Variants in DAB1 observed in about 807,000 individuals in gnomAD.
DAB1 encodes DAB adaptor protein 1.
Under a neutral mutation model 64.6 loss-of-function variants are expected in DAB1, and 15 were observed. The observed-to-expected ratio is 0.23, with a 90% confidence interval of 0.16 to 0.36. The LOEUF (loss-of-function observed/expected upper bound fraction) is 0.36. Among genes scored for constraint, DAB1 ranks in the 10% least tolerant of loss-of-function variants. DAB1 has a pLI of 1.00. For missense variants in DAB1, 596 were observed against 706.7 expected (o/e 0.84, Z 1.78); for synonymous variants, 235 against 251.9 (o/e 0.93, Z 0.64).
At chr1:57,942,842 T>C (rs1645124686) in intron 5 of DAB1, among the ~76,000 whole-genome samples, 1 of 152,212 alleles carries the variant, frequency 6.6e-6, no homozygotes, top group Non-Finnish European at 1.5e-5. Flanking sequence ...TGCTGAGTCA[T>C]TGTGTTTTGG....
intron 1 of DAB1, chr1:58,539,066 T>G (rs759534014): frequency 1.1e-6 from 1 of 872,848 alleles, no homozygotes; most frequent in Admixed American, 1.7e-5. Flanking sequence ...CCTGTTCTTT[T>G]GTTGTTAAAA....
At chr1:58,529,413 A>G (rs1646399109) in intron 1 of DAB1, among the ~76,000 whole-genome samples, 1 of 152,390 alleles carries the variant, frequency 6.6e-6, no homozygotes, top group African/African-American at 2.4e-5. Flanking sequence ...AAAGATTGCA[A>G]GACCTACTTT....
chr1:57,588,559 T>A (rs1645406781), intron 7 of DAB1, among the ~76,000 whole-genome samples: 1 of 152,202 alleles, frequency 6.6e-6, no homozygotes, highest in Admixed American at 6.5e-5. Context: ...GTGAGTCCTC[T>A]CCTTATCTGC....
chr1:58,283,478 G>C (rs921429527), intron 4 of DAB1, among the ~76,000 whole-genome samples: 1 of 151,978 alleles, frequency 6.6e-6, no homozygotes, highest in East Asian at 1.9e-4. Flanking sequence ...TTCCCACCCA[G>C]AGACAAGACT....
At position 57,517,141 on chromosome 1, in the gene DAB1, C is replaced by T. The variant is rs141180516; in HGVS notation, n.625+132451G>A. Reference sequence around the variant, plus strand: ...TGCCATTTACTTATTTGCTTGTTTCCTTCTTTCCTTTCTTTTTATTTATTT... The same window carrying T: ...TGCCATTTACTTATTTGCTTGTTTCTTTCTTTCCTTTCTTTTTATTTATTT... On this transcript the variant is annotated intron_variant and non_coding_transcript_variant, in intron 7 of 20. Transcript: ENST00000485760. Among the ~76,000 whole-genome samples the T allele has an allele frequency of 1.8e-3, 269 of 152,006 alleles. 1 individual carries two copies. Among genetic ancestry groups the T allele is most frequent in the African/African-American group, 5.8e-3 (242 of 41,448 alleles).
chr1:57,364,608 C>T (rs1460457431), intron 1 of DAB1, among the ~76,000 whole-genome samples: 2 of 151,790 alleles, frequency 1.3e-5, no homozygotes, highest in Non-Finnish European at 2.9e-5. Context: ...ATATTTGTAG[C>T]AATATATTTC....
chr1:58,461,272 T>C (rs1270393572), intron 3 of DAB1, among the ~76,000 whole-genome samples: 2 of 152,218 alleles, frequency 1.3e-5, no homozygotes, highest in African/African-American at 4.8e-5. Context: ...TATAGAAATA[T>C]ATATACATTG....
intron 7 of DAB1, among the ~76,000 whole-genome samples, chr1:57,556,500 T>C (rs1239817166): frequency 6.6e-6 from 1 of 152,162 alleles, no homozygotes; most frequent in Admixed American, 6.5e-5. Context: ...TATTACATTG[T>C]GGTTTTGATT....
chr1:57,915,783 T>C (rs919770019), intron 5 of DAB1, among the ~76,000 whole-genome samples: 97 of 152,228 alleles, frequency 6.4e-4, no homozygotes, highest in African/African-American at 2.1e-3. Context: ...TCAGTCCAAT[T>C]CCCAATAGAC....
intron 7 of DAB1, among the ~76,000 whole-genome samples, chr1:57,640,387 A>AT (rs1295231271): frequency 6.6e-6 from 1 of 152,122 alleles, no homozygotes; most frequent in Non-Finnish European, 1.5e-5. Context: ...TTTACCAAGT[A>AT]TTTTCACATA....
At chr1:58,103,801 T>C (rs1324268880) in intron 5 of DAB1, among the ~76,000 whole-genome samples, 1 of 152,196 alleles carries the variant, frequency 6.6e-6, no homozygotes, top group Non-Finnish European at 1.5e-5. Flanking sequence ...ACCCTGTCTC[T>C]GTTCTTCCTT....
At chr1:57,614,011 C>T (rs1645759602) in intron 7 of DAB1, among the ~76,000 whole-genome samples, 1 of 152,150 alleles carries the variant, frequency 6.6e-6, no homozygotes, top group Admixed American at 6.5e-5. Flanking sequence ...GAGTCACAAA[C>T]TCAGGTTTCC....
intron 7 of DAB1, among the ~76,000 whole-genome samples, chr1:57,478,878 G>T (rs533828684): frequency 2.7e-4 from 41 of 151,986 alleles, no homozygotes; most frequent in Admixed American, 1.9e-3. Flanking sequence ...GGGATTACAG[G>T]CGTGAGCCAC....
intron 6 of DAB1, among the ~76,000 whole-genome samples, chr1:57,741,154 C>T (rs1338755299): frequency 6.6e-6 from 1 of 152,148 alleles, no homozygotes; most frequent in Admixed American, 6.5e-5. Flanking sequence ...CTGAGTGCTC[C>T]TTGGCAAATG....
At chr1:57,856,906 C>T (rs1226476424) in intron 1 of DAB1, among the ~76,000 whole-genome samples, 1 of 152,170 alleles carries the variant, frequency 6.6e-6, no homozygotes, top group Non-Finnish European at 1.5e-5. Flanking sequence ...TTATTAGCAC[C>T]TAGAACAGAG....
chr1:57,726,926 G>A (rs956733142), intron 6 of DAB1, among the ~76,000 whole-genome samples: 7 of 152,174 alleles, frequency 4.6e-5, no homozygotes, highest in Non-Finnish European at 7.3e-5. Flanking sequence ...AAAACTGGAC[G>A]CATAAGCTAA....
intron 4 of DAB1, among the ~76,000 whole-genome samples, chr1:58,259,584 C>T (rs1661005087): frequency 6.6e-6 from 1 of 152,168 alleles, no homozygotes; most frequent in African/African-American, 2.4e-5. Context: ...GGTTAGAGAC[C>T]AAGTGGGTCT....
At chr1:57,439,933 C>T (rs1457492114) in intron 7 of DAB1, among the ~76,000 whole-genome samples, 3 of 152,122 alleles carry the variant, frequency 2.0e-5, no homozygotes, top group African/African-American at 7.2e-5. Context: ...TTAGTTCCCT[C>T]CTCCATGTTT....
chr1:57,401,925 C>G (rs1415869637), intron 1 of DAB1, among the ~76,000 whole-genome samples: 1 of 152,118 alleles, frequency 6.6e-6, no homozygotes, highest in African/African-American at 2.4e-5. Flanking sequence ...ATTGGAGAAC[C>G]TCTCTATGAT....
Sources: allele counts gnomAD v4.1 joint callset (sites outside exome capture counted in the v4.1 genomes callset), GRCh38; gene constraint gnomAD v4.1.1; transcripts MANE v1.5; gene names NCBI Gene and HGNC (gene_info 2026-07-23, HGNC 2026-07-21).